The following TMEM268 variants were observed in gnomAD, a reference collection of about 807,000 sequenced individuals.
TMEM268 encodes the protein transmembrane protein C9orf91.
Under a neutral mutation model 39.1 loss-of-function variants are expected in TMEM268, and 24 were observed. That is an observed-to-expected ratio of 0.61 (90% CI 0.44 to 0.86). TMEM268 has a LOEUF of 0.86. TMEM268 is among the 40% of genes least tolerant of loss of function. The pLI, the probability that TMEM268 is intolerant of heterozygous loss-of-function variation, is 0.00. For missense variants in TMEM268, 409 were observed against 428.6 expected, an observed-to-expected ratio of 0.95 and a Z score of 0.40; for synonymous variants, 176 against 173.5, an observed-to-expected ratio of 1.01 and a Z score of -0.12.
intron 2 of TMEM268, among the ~76,000 whole-genome samples, chr9:114,623,746 C>T (rs770898608): frequency 2.4e-4 from 37 of 152,164 alleles, no homozygotes; most frequent in African/African-American, 7.7e-4. Flanking sequence ...GGGGCCCACC[C>T]GGATGATTCA....
chr9:114,621,761 G>T (rs991297599), intron 2 of TMEM268, among the ~76,000 whole-genome samples: 2 of 152,134 alleles, frequency 1.3e-5, no homozygotes, highest in African/African-American at 2.4e-5. Flanking sequence ...GCCCTGGGGT[G>T]GGGGAGAACA....
At chr9:114,604,973 T>C in the TMEM268 span, among the ~76,000 whole-genome samples, 1 of 152,346 alleles carries the variant, frequency 6.6e-6, no homozygotes, top group Admixed American at 6.5e-5. Flanking sequence ...TACCATGCTC[T>C]GCCTTCAGGC....
At chr9:114,633,727 A>G in intron 5 of TMEM268, 41 bp from the exon 6 acceptor site, 1 of 1,136,316 alleles carries the variant, frequency 8.8e-7, no homozygotes, top group Non-Finnish European at 1.3e-6. Context: ...GCTCCCCAGT[A>G]GCATGGAGGT....
At chr9:114,621,981 C>T in intron 2 of TMEM268, 1 of 458,936 alleles carries the variant, frequency 2.2e-6, no homozygotes, top group Non-Finnish European at 2.9e-6. Context: ...GTGGAAGATG[C>T]ATTGTAGAAG....
chr9:114,620,369 C>T (rs527902292), intron 2 of TMEM268, among the ~76,000 whole-genome samples: 104 of 152,160 alleles, frequency 6.8e-4, no homozygotes, highest in African/African-American at 2.3e-3. Flanking sequence ...CCTAGTCTCC[C>T]GAGTAGCTGG....
chr9:114,632,536 A>G (rs1385331893), intron 5 of TMEM268, among the ~76,000 whole-genome samples: 1 of 152,084 alleles, frequency 6.6e-6, no homozygotes, highest in Non-Finnish European at 1.5e-5. Flanking sequence ...CCTGTTTAGC[A>G]TCCACTCTCC....
chr9:114,639,446 G>T (rs1248500923), intron 8 of TMEM268, among the ~76,000 whole-genome samples: 5 of 152,074 alleles, frequency 3.3e-5, no homozygotes, highest in Admixed American at 6.5e-5. Flanking sequence ...CCAGAGTTCT[G>T]TTGGGTCCTG....
At chr9:114,639,385 C>T (rs1225965934) in intron 8 of TMEM268, among the ~76,000 whole-genome samples, 1 of 152,150 alleles carries the variant, frequency 6.6e-6, no homozygotes, top group Non-Finnish European at 1.5e-5. Context: ...GATCTACCCA[C>T]CTCAACCTCC....
At chr9:114,639,465 A>T (rs1019506901) in intron 8 of TMEM268, among the ~76,000 whole-genome samples, 1 of 151,924 alleles carries the variant, frequency 6.6e-6, no homozygotes, top group Non-Finnish European at 1.5e-5. Flanking sequence ...TGCCATCCAC[A>T]CTGTCTCTTG....
At position 114,636,930 on chromosome 9, in the gene TMEM268, G is replaced by A; in HGVS notation, c.586-60G>A. ...GGCTAAATAGGACTGTCTCAGGGAG[G>A]AAGAGTTCAGGGTTGGGCTGCCCTT... is the stretch of plus-strand genomic sequence containing the variant. On this transcript the variant is annotated intron_variant, in intron 6 of 8. Coordinates refer to ENST00000288502, the MANE Select transcript of TMEM268 (RefSeq NM_153045.4). The A allele has an allele frequency of 3.7e-6, 4 of 1,070,800 alleles. No individual in the cohort carries two copies. The South Asian group carries it at 3.9e-5, about 10-fold the overall frequency. The allele number at this position is 1,070,800 out of a possible 1,614,324, so 66.3% of individuals were successfully genotyped here.
chr9:114,625,758 T>C (rs555233344), intron 3 of TMEM268, among the ~76,000 whole-genome samples: 1 of 151,694 alleles, frequency 6.6e-6, no homozygotes, highest in Non-Finnish European at 1.5e-5. Context: ...GGTTTTCTTA[T>C]GGGTGAACAG....
chr9:114,631,949 A>G lies in TMEM268; in HGVS notation c.475-1819A>G, dbSNP rs540476329. On this transcript the variant is annotated intron_variant, in intron 5 of 8. Coordinates refer to ENST00000288502, the MANE Select transcript of TMEM268 (RefSeq NM_153045.4). ...GACTCGATCTCTACAAAAAATTTAA[A>G]AGTTAGCTGAGTGTGGTGGCATGCA... is the stretch of plus-strand genomic sequence containing the variant. Among the ~76,000 whole-genome samples the G allele has an allele frequency of 5.5e-3, 836 of 151,924 alleles. 1 individual carries two copies. Among genetic ancestry groups the G allele is most frequent in the Non-Finnish European group, 9.1e-3 (620 of 67,966 alleles).
chr9:114,629,701 C>G (rs1846308505), intron 5 of TMEM268, among the ~76,000 whole-genome samples: 2 of 152,202 alleles, frequency 1.3e-5, no homozygotes, highest in Non-Finnish European at 2.9e-5. Context: ...CCTCCATCCC[C>G]CGATCCCTGG....
chr9:114,608,580 T>C (rs1215077308), upstream of TMEM268, among the ~76,000 whole-genome samples: 6 of 152,342 alleles, frequency 3.9e-5, no homozygotes, highest in African/African-American at 9.6e-5. Context: ...AGGGTTTAGA[T>C]AGATGGTGAT....
At chr9:114,612,192 C>T (rs888038878) in intron 1 of TMEM268, among the ~76,000 whole-genome samples, 1 of 152,050 alleles carries the variant, frequency 6.6e-6, no homozygotes, top group Non-Finnish European at 1.5e-5. Flanking sequence ...ACATAGTTCC[C>T]GGGGAGGCTG....
intron 5 of TMEM268, among the ~76,000 whole-genome samples, chr9:114,629,013 C>T (rs1415297469): frequency 2.6e-5 from 4 of 152,226 alleles, no homozygotes; most frequent in African/African-American, 9.6e-5. Flanking sequence ...GAGGCTGTTA[C>T]ACTCACTTTG....
upstream of TMEM268, among the ~76,000 whole-genome samples, chr9:114,606,698 A>AG (rs200421329): frequency 0.084 from 12,750 of 152,192 alleles, 594 homozygotes; most frequent in South Asian, 0.14. Flanking sequence ...TTTGTGGTGA[A>AG]GTCTGGATTT....
At chr9:114,639,905 T>C (rs1185105167) in intron 8 of TMEM268, among the ~76,000 whole-genome samples, 1 of 150,740 alleles carries the variant, frequency 6.6e-6, no homozygotes, top group East Asian at 2.0e-4. Flanking sequence ...TCTTTTATCT[T>C]TTTATATTAA....
intron 5 of TMEM268, 53 bp downstream of exon 5, chr9:114,628,303 G>T (rs1316811748): frequency 6.3e-7 from 1 of 1,581,596 alleles, no homozygotes; most frequent in Non-Finnish European, 8.7e-7. Context: ...CGGTGCAGGC[G>T]TGAGAATCAG....
Sources: allele counts gnomAD v4.1 joint callset (sites outside exome capture counted in the v4.1 genomes callset), GRCh38; gene constraint gnomAD v4.1.1; transcripts MANE v1.5; gene names NCBI Gene and HGNC (gene_info 2026-07-23, HGNC 2026-07-21).